AKAP13: variants seen among roughly 807,000 people sequenced by gnomAD.
AKAP13 encodes A-kinase anchor protein 13.
In AKAP13, 80 loss-of-function variants were observed where a neutral mutation model predicts 264.5. The ratio of observed to expected loss-of-function variants is 0.30; its 90% CI spans 0.25 to 0.36. The LOEUF (loss-of-function observed/expected upper bound fraction) is 0.36. Among genes scored for constraint, AKAP13 ranks in the 10% least tolerant of loss-of-function variants. The pLI is 1.00. For synonymous variants in AKAP13, 1,380 were observed against 1,250.2 expected, an observed-to-expected ratio of 1.10 and a Z score of -2.19; for missense variants, 3,712 against 3,435.2, an observed-to-expected ratio of 1.08 and a Z score of -2.01.
intron 5 of AKAP13, among the ~76,000 whole-genome samples, chr15:85,547,582 T>C (rs1483032632): frequency 6.6e-6 from 1 of 152,200 alleles, no homozygotes; most frequent in Admixed American, 6.5e-5. Flanking sequence ...TAACCCATGA[T>C]TGTTAACTTT....
At chr15:85,400,818 A>G (rs1051115255) in intron 1 of AKAP13, among the ~76,000 whole-genome samples, 3 of 151,088 alleles carry the variant, frequency 2.0e-5, no homozygotes, top group Non-Finnish European at 2.9e-5. Context: ...ACAGAGAAAT[A>G]GCTGATTAAT....
intron 8 of AKAP13, among the ~76,000 whole-genome samples, chr15:85,616,722 G>A (rs41388746): frequency 0.25 from 37,399 of 152,094 alleles, 6,251 homozygotes; most frequent in East Asian, 0.57. Flanking sequence ...TCAAAATCCT[G>A]GCAGAATTAC....
At chr15:85,575,088 G>T in intron 5 of AKAP13, 43 bp from the exon 6 acceptor site, 2 of 1,580,872 alleles carry the variant, frequency 1.3e-6, no homozygotes, top group Non-Finnish European at 1.7e-6. Context: ...CTATGCCTGG[G>T]AGGCAGAATG....
At chr15:85,389,962 G>C (rs1324398274) in intron 1 of AKAP13, 1 of 152,250 alleles carries the variant, frequency 6.6e-6, no homozygotes, top group African/African-American at 2.4e-5. Context: ...GTCGCAAGTT[G>C]TAGTGAGTCA....
chr15:85,576,100 G>A (rs977727696), intron 6 of AKAP13, among the ~76,000 whole-genome samples: 2 of 152,216 alleles, frequency 1.3e-5, no homozygotes, highest in Non-Finnish European at 2.9e-5. Context: ...GTAGCCGTAG[G>A]GGGACTGAGA....
At chr15:85,613,054 T>C (rs779301988) in intron 8 of AKAP13, among the ~76,000 whole-genome samples, 4 of 152,218 alleles carry the variant, frequency 2.6e-5, no homozygotes, top group South Asian at 4.1e-4. Context: ...GACTGTCTTA[T>C]GTTCTTGTGG....
chr15:85,659,386 T>C (rs1004457289), intron 12 of AKAP13, among the ~76,000 whole-genome samples: 5 of 152,212 alleles, frequency 3.3e-5, no homozygotes, highest in Admixed American at 3.3e-4. Context: ...TAGCTGAACC[T>C]GTTTGTTGGC....
intron 1 of AKAP13, among the ~76,000 whole-genome samples, chr15:85,430,491 A>G (rs1445679578): frequency 6.6e-6 from 1 of 152,160 alleles, no homozygotes; most frequent in Non-Finnish European, 1.5e-5. Context: ...GGGGGATGTG[A>G]GTGATTGGAA....
intron 9 of AKAP13, among the ~76,000 whole-genome samples, chr15:85,642,604 G>T (rs1387862842): frequency 1.3e-5 from 2 of 152,120 alleles, no homozygotes; most frequent in Non-Finnish European, 2.9e-5. Flanking sequence ...CTCCATCTTA[G>T]CCCTTCTTTC....
chr15:85,559,620 T>G (rs1438353426), intron 5 of AKAP13, among the ~76,000 whole-genome samples: 1 of 152,008 alleles, frequency 6.6e-6, no homozygotes. Context: ...CATCAAACAT[T>G]AGATTCACAT....
chr15:85,664,505 C>G (rs946229590), intron 12 of AKAP13, 58 bp from the exon 13 acceptor site: 3 of 1,510,438 alleles, frequency 2.0e-6, no homozygotes, highest in African/African-American at 1.4e-5. Context: ...ATTTTGTGTC[C>G]TCCTTTGTTT....
At chr15:85,428,066 A>G (rs1194679979) in intron 1 of AKAP13, among the ~76,000 whole-genome samples, 1 of 152,246 alleles carries the variant, frequency 6.6e-6, no homozygotes, top group East Asian at 1.9e-4. Context: ...CCTGACTTCA[A>G]GTGTTCTTCC....
In AKAP13 at chr15:85,451,340, C is replaced by A. The variant is rs528757057; in HGVS notation, c.-11-34370C>A. On this transcript the variant is annotated intron_variant, in intron 1 of 36. Transcript: ENST00000394518. Reference sequence around the variant, plus strand: ...CTTTTTTATCCTTGCCACTTTGTGCCTTTTAAGTGGGGGCATTTAGCCTGT... The same window carrying A: ...CTTTTTTATCCTTGCCACTTTGTGCATTTTAAGTGGGGGCATTTAGCCTGT... Among the ~76,000 whole-genome samples the A allele has an allele frequency of 2.0e-5, 3 of 152,200 alleles. No individual in the cohort carries two copies. In the South Asian group the frequency reaches 6.2e-4, roughly 32 times the overall value.
intron 5 of AKAP13, among the ~76,000 whole-genome samples, chr15:85,558,413 C>T (rs2078228439): frequency 6.6e-6 from 1 of 152,162 alleles, no homozygotes. Flanking sequence ...TAAAAATACG[C>T]AAGGTCATTA....
At chr15:85,498,244 A>G (rs1356413115) in intron 2 of AKAP13, among the ~76,000 whole-genome samples, 3 of 148,642 alleles carry the variant, frequency 2.0e-5, no homozygotes, top group Non-Finnish European at 3.0e-5. Context: ...GAGCGAGATC[A>G]TAGATAAAAC....
At chr15:85,696,646 C>G (rs969987915) in intron 17 of AKAP13, among the ~76,000 whole-genome samples, 2 of 152,166 alleles carry the variant, frequency 1.3e-5, no homozygotes, top group South Asian at 4.1e-4. Context: ...ATTCAGGGAA[C>G]TTCATCAGTA....
chr15:85,722,276 G>A lies in AKAP13; in HGVS notation c.6425G>A (p.Cys2142Tyr). The A allele has an allele frequency of 6.2e-7, 1 of 1,613,906 alleles. No homozygotes were observed. The highest frequency in any genetic ancestry group is 8.5e-7 in the Non-Finnish European group (1 of 1,179,890). ...GTTAGAAGGCTTGGAATTCCAGAGT[G>A]CATATTGCTTGTAACTCAGCGGATT... Reference protein sequence around the residue: ...SVVRRLGIPECILLVTQRITK... With the variant: ...SVVRRLGIPEYILLVTQRITK... Residue 2142 changes from cysteine to tyrosine, a missense_variant, in exon 25 of 37, where the codon TGC (cysteine) becomes TAC (tyrosine). By Grantham distance (194) the Cys-to-Tyr change is radical. This residue lies in a region of AKAP13 where 342 missense variants were observed against 484.3 expected (regional missense o/e 0.71). Coordinates refer to ENST00000394518, the MANE Select transcript of AKAP13 (RefSeq NM_007200.5).
In AKAP13 at chr15:85,735,269, A is replaced by G. The variant is rs2088364225; in HGVS notation, c.7441+119A>G. On this transcript the variant is annotated intron_variant, in intron 31 of 36. Coordinates refer to ENST00000394518, the MANE Select transcript of AKAP13 (RefSeq NM_007200.5). ...CCCAATCAGCAAATTTCTTAGTGAG[A>G]TTTCAAGACACTCAAGAGCTTGTCA... 3.0e-6 allele frequency: 4 copies of G among 1,334,122 alleles called. No individual in the cohort carries two copies. In the Admixed American group the frequency reaches 9.9e-5, roughly 33 times the overall value. The allele number at this position is 1,334,122 out of a possible 1,614,324, so 82.6% of individuals were successfully genotyped here. A position where few individuals can be genotyped will look rare whatever the true frequency, so the allele number is the denominator to read the frequency against.
chr15:85,566,819 G>A (rs973191844), intron 5 of AKAP13, among the ~76,000 whole-genome samples: 4 of 151,584 alleles, frequency 2.6e-5, no homozygotes, highest in Non-Finnish European at 4.4e-5. Context: ...GGGTGGAGAC[G>A]GGGTTTCCCA....
Sources: allele counts gnomAD v4.1 joint callset (sites outside exome capture counted in the v4.1 genomes callset), GRCh38; gene constraint gnomAD v4.1.1; regional missense constraint gnomAD v4.1.1; transcripts MANE v1.5; gene names NCBI Gene and HGNC (gene_info 2026-07-23, HGNC 2026-07-21).